The following TRNT1 variants were observed in gnomAD, a reference collection of about 807,000 sequenced individuals.
The protein encoded by TRNT1 is tRNA nucleotidyl transferase 1.
A neutral mutation model predicts 45.6 loss-of-function variants in TRNT1; 44 were observed. That is an observed-to-expected ratio of 0.97 (90% CI 0.76 to 1.24). The LOEUF (loss-of-function observed/expected upper bound fraction) is 1.24. TRNT1 is among the 50% of genes most tolerant of loss of function. TRNT1 has a pLI of 0.00. For missense variants in TRNT1, 633 were observed against 504.4 expected, an observed-to-expected ratio of 1.25 and a Z score of -2.44; for synonymous variants, 201 against 171.4, an observed-to-expected ratio of 1.17 and a Z score of -1.35.
chr3:3,136,408 A>C (rs1484431593), intron 2 of TRNT1, among the ~76,000 whole-genome samples: 11 of 152,204 alleles, frequency 7.2e-5, no homozygotes, highest in Non-Finnish European at 1.0e-4. Flanking sequence ...TCAGTGTTCA[A>C]ATGGTTCTAC....
chr3:3,150,738 A>AGTAAT (rs1177972058), downstream of TRNT1: 1 of 936,454 alleles, frequency 1.1e-6, no homozygotes, highest in Non-Finnish European at 1.6e-6. Flanking sequence ...CAACCCTCCA[A>AGTAAT]GTAATGTTAT....
rs1319124592 is a variant in TRNT1 at position 3,148,796 on chromosome 3, A to G, written c.*642A>G. The stretch of plus-strand genomic sequence containing the variant: ...TCATGGGATTAACTTGAGGGTCACT[A>G]TTGAGCCTATTAATTAATTATTGTT... On this transcript the variant is annotated 3_prime_UTR_variant, in exon 8 of 8. Transcript: ENST00000251607. 1 of 127,536 alleles carries G rather than the reference A, an allele frequency of 7.8e-6. No homozygotes were observed. Among genetic ancestry groups the G allele is most frequent in the Admixed American group, 7.9e-5 (1 of 12,720 alleles). The allele number at this position is 127,536 out of a possible 1,614,324, so 7.9% of individuals were successfully genotyped here. A position where few individuals can be genotyped will look rare whatever the true frequency, so the allele number is the denominator to read the frequency against.
downstream of TRNT1, chr3:3,149,819 T>TTGAG (rs1319897713): frequency 6.6e-6 from 1 of 152,102 alleles, no homozygotes; most frequent in African/African-American, 2.4e-5. Context: ...ATTACTACAT[T>TTGAG]TGAGTAAACA....
Position 3,137,430 on chromosome 3 carries a change from A to G in TRNT1, c.319A>G (p.Lys107Glu), listed in dbSNP as rs1575050182. The G allele has an allele frequency of 1.2e-6, 2 of 1,612,154 alleles. No individual in the cohort carries two copies. Among genetic ancestry groups the G allele is most frequent in the Non-Finnish European group, 1.7e-6 (2 of 1,179,318 alleles). The change falls in exon 3 of 8, where the codon AAG (lysine) becomes GAG (glutamate). Residue 107 changes from lysine to glutamate, a missense_variant. By Grantham distance (56) the Lys-to-Glu change is moderately conservative. Transcript: ENST00000251607. ...TCGGATGATAAACAACAGAGGAGAAAAGCACGGAACAATTACTGCCAGGGT... is the reference window on the plus strand; with the variant it reads ...TCGGATGATAAACAACAGAGGAGAAGAGCACGGAACAATTACTGCCAGGGT... ...GIRMINNRGE[K>E]HGTITARLHE...
chr3:3,143,490 G>A (rs926943988), intron 4 of TRNT1, among the ~76,000 whole-genome samples: 35 of 152,208 alleles, frequency 2.3e-4, no homozygotes, highest in African/African-American at 7.2e-4. Flanking sequence ...CTCCTGATCT[G>A]TAATGAACAG....
downstream of TRNT1, chr3:3,152,617 G>C: frequency 6.2e-7 from 1 of 1,613,464 alleles, no homozygotes; most frequent in Non-Finnish European, 8.5e-7. Flanking sequence ...TGGAGAACAC[G>C]TCAAAACGAG....
chr3:3,141,324 A>C (rs1191675771), intron 4 of TRNT1, among the ~76,000 whole-genome samples: 1 of 151,396 alleles, frequency 6.6e-6, no homozygotes, highest in Non-Finnish European at 1.5e-5. Flanking sequence ...GTACATGTAC[A>C]TACTCCACAC....
downstream of TRNT1, chr3:3,149,728 T>TTACTC (rs1706351632): frequency 6.6e-6 from 1 of 152,136 alleles, no homozygotes; most frequent in African/African-American, 2.4e-5. Flanking sequence ...GAATTTTCAT[T>TTACTC]TACTCTATTT....
At chr3:3,151,136 CA>C (rs1706513463), downstream of TRNT1, 2 of 1,334,800 alleles carry the variant, frequency 1.5e-6, no homozygotes, top group South Asian at 2.5e-5. Flanking sequence ...ACTTTAGAGG[CA>C]AATTCTAAGG....
At chr3:3,146,107 A>C (rs572956679) in intron 5 of TRNT1, among the ~76,000 whole-genome samples, 21 of 150,582 alleles carry the variant, frequency 1.4e-4, no homozygotes, top group African/African-American at 4.9e-4. Flanking sequence ...TATAAGTGCC[A>C]ATTCAGGAAT....
chr3:3,139,357 C>G (rs1705505377), intron 3 of TRNT1, among the ~76,000 whole-genome samples: 1 of 152,170 alleles, frequency 6.6e-6, no homozygotes, highest in African/African-American at 2.4e-5. Context: ...ATAGATGTAG[C>G]TTGTATTTAG....
intron 1 of TRNT1, 52 bp downstream of exon 1, chr3:3,127,042 G>T (rs1704623932): frequency 6.6e-6 from 1 of 152,362 alleles, no homozygotes. Flanking sequence ...GTGAGTTGCT[G>T]CCCCTTCCTT....
intron 7 of TRNT1, 48 bp from the exon 8 acceptor site, chr3:3,147,858 G>GTATGT (rs1559231706): frequency 6.4e-7 from 1 of 1,572,208 alleles, no homozygotes; most frequent in Admixed American, 1.9e-5. Context: ...GATTGTAAGT[G>GTATGT]TATGTTTTCA....
rs755701647 is a variant in TRNT1, at chr3:3,146,443, A to T, written c.622A>T (p.Ile208Phe). The T allele has an allele frequency of 6.2e-7, 1 of 1,611,288 alleles. No homozygotes were observed. Among genetic ancestry groups the T allele is most frequent in the South Asian group, 1.1e-5 (1 of 90,534 alleles). The change falls in exon 6 of 8, where the codon ATT becomes TTT. Residue 208 changes from isoleucine (I) to phenylalanine (F), a missense_variant. By Grantham distance (21) the Ile-to-Phe change is conservative. Transcript: ENST00000251607. ...TTTGTCTTGTAGGTTTTATGGGAGA[A>T]TTGTAGACAAACCTGGTGACCATGA... is the stretch of plus-strand genomic sequence containing the variant. ...ILRYFRFYGR[I>F]VDKPGDHDPE...
chr3:3,130,912 T>C (rs1575039173), intron 2 of TRNT1, among the ~76,000 whole-genome samples: 1 of 151,644 alleles, frequency 6.6e-6, no homozygotes, highest in Admixed American at 6.6e-5. Context: ...TGAAACCCCA[T>C]CTCTACTAAA....
intron 4 of TRNT1, among the ~76,000 whole-genome samples, chr3:3,141,279 CATG>C (rs1484065721): frequency 6.6e-6 from 1 of 152,154 alleles, no homozygotes; most frequent in Non-Finnish European, 1.5e-5. Flanking sequence ...TGCATATAAA[CATG>C]ATTTCAGGGA....
chr3:3,147,976 A>C lies in TRNT1; in HGVS notation c.1127A>C (p.Lys376Thr). ...TACCAAGGAGAGCACTGTCTCCTAA[A>C]GGAAATGCAGCAGTGGTCCATTCCT... Reference protein sequence around the residue: ...LKYQGEHCLLKEMQQWSIPPF... With the variant: ...LKYQGEHCLLTEMQQWSIPPF... Residue 376 changes from lysine (K) to threonine (T), a missense_variant, in exon 8 of 8, where the codon AAG becomes ACG. Transcript: ENST00000251607. The C allele has an allele frequency of 7.4e-6, 12 of 1,614,058 alleles. No homozygotes were observed. The highest frequency in any genetic ancestry group is 1.0e-5 in the Non-Finnish European group (12 of 1,179,898).
chr3:3,127,878 T>G (rs1408915863), intron 1 of TRNT1: 1 of 152,208 alleles, frequency 6.6e-6, no homozygotes, highest in Non-Finnish European at 1.5e-5. Context: ...GTTGGGCTGC[T>G]TATTCTCGCT....
At chr3:3,142,511 A>T (rs1430331719) in intron 4 of TRNT1, among the ~76,000 whole-genome samples, 1 of 152,200 alleles carries the variant, frequency 6.6e-6, no homozygotes, top group South Asian at 2.1e-4. Flanking sequence ...ACCATATTTC[A>T]TATTTTTATT....
Sources: gnomAD v4.1 joint callset for allele counts (sites outside exome capture counted in the v4.1 genomes callset) on GRCh38, gnomAD v4.1.1 for gene constraint, MANE v1.5 for transcripts, NCBI Gene and HGNC (gene_info 2026-07-23, HGNC 2026-07-21) for gene names.